Variants in NAE1 observed in about 807,000 individuals in gnomAD.
NAE1 encodes NEDD8-activating enzyme E1 regulatory subunit.
NAE1 carries 59 observed loss-of-function variants against 88.0 expected under a neutral mutation model. The observed-to-expected ratio is 0.67, with a 90% CI of 0.54 to 0.83. The LOEUF is 0.83. Among genes scored for constraint, NAE1 ranks in the 40% least tolerant of loss-of-function variants. NAE1 has a pLI of 0.00. For missense variants in NAE1, 554 were observed against 632.8 expected (o/e 0.88, Z 1.34); for synonymous variants, 186 against 208.9 (o/e 0.89, Z 0.95).
At chr16:66,812,581 G>A (rs544644055) in intron 13 of NAE1, among the ~76,000 whole-genome samples, 6 of 141,772 alleles carry the variant, frequency 4.2e-5, no homozygotes, top group South Asian at 2.2e-4. Context: ...GCAGTGGCAC[G>A]ATCTTGGCTC....
intron 5 of NAE1, 31 bp from the exon 6 acceptor site, chr16:66,823,337 A>C: frequency 6.6e-7 from 1 of 1,512,874 alleles, no homozygotes; most frequent in Non-Finnish European, 9.0e-7. Flanking sequence ...AAAAACAAAC[A>C]AAAAAAACCA....
At chr16:66,807,179 G>A (rs1959598482) in intron 17 of NAE1, among the ~76,000 whole-genome samples, 1 of 152,156 alleles carries the variant, frequency 6.6e-6, no homozygotes, top group Non-Finnish European at 1.5e-5. Flanking sequence ...CCTGAGACCA[G>A]GCAACCCACA....
rs763921695 is a variant in NAE1, at chr16:66,824,854, C to A, written c.249+1G>T. On this transcript the variant is annotated splice_donor_variant, in intron 4 of 19. Transcript: ENST00000290810. LOFTEE classifies it high-confidence loss of function. Reference sequence around the variant, plus strand: ...TCCAACTATATTCTCTAATTGTTTACCTTGCCGATACTGCTTCTTTGAAGG... The same window carrying A: ...TCCAACTATATTCTCTAATTGTTTAACTTGCCGATACTGCTTCTTTGAAGG... The A allele has an allele frequency of 6.2e-7, 1 of 1,608,988 alleles. No individual in the cohort carries two copies. Among genetic ancestry groups the A allele is most frequent in the Non-Finnish European group, 8.5e-7 (1 of 1,176,928 alleles).
At chr16:66,821,000 T>G (rs1262671815) in intron 7 of NAE1, among the ~76,000 whole-genome samples, 8 of 147,604 alleles carry the variant, frequency 5.4e-5, no homozygotes, top group Non-Finnish European at 7.5e-5. Context: ...ACCCGGGAGG[T>G]GGAGGTTGCA....
chr16:66,816,318 C>T (rs946538653), intron 11 of NAE1, among the ~76,000 whole-genome samples: 12 of 152,096 alleles, frequency 7.9e-5, no homozygotes, highest in Non-Finnish European at 1.3e-4. Flanking sequence ...GGTATGTTCA[C>T]CATGCCCAGC....
chr16:66,812,067 A>G (rs113656069), intron 13 of NAE1, among the ~76,000 whole-genome samples: 2,406 of 152,302 alleles, frequency 0.016, 57 homozygotes, highest in South Asian at 0.095. Context: ...GGATAGCAAG[A>G]TGTCTAGCTA....
chr16:66,817,381 G>A, intron 9 of NAE1, 44 bp downstream of exon 9: 1 of 1,436,276 alleles, frequency 7.0e-7, no homozygotes, highest in South Asian at 1.2e-5. Flanking sequence ...GTAAGAAACT[G>A]AAAATACAGT....
chr16:66,820,043 ACT>A (rs1174778163), intron 7 of NAE1, among the ~76,000 whole-genome samples: 2 of 151,714 alleles, frequency 1.3e-5, no homozygotes, highest in South Asian at 2.1e-4. Context: ...CCCACTTTCA[ACT>A]CTTTTGTTCC....
intron 1 of NAE1, 46 bp downstream of exon 1, chr16:66,830,801 T>C (rs1324248649): frequency 4.0e-6 from 6 of 1,501,910 alleles, no homozygotes; most frequent in Non-Finnish European, 4.4e-6. Flanking sequence ...GCCCGAATGC[T>C]GGAAAGCCCG....
intron 13 of NAE1, among the ~76,000 whole-genome samples, chr16:66,812,026 T>C (rs1246032289): frequency 6.6e-6 from 1 of 152,220 alleles, no homozygotes; most frequent in Admixed American, 6.5e-5. Flanking sequence ...ATCCCTGTGA[T>C]AGTCTATCTG....
intron 14 of NAE1, 129 bp from the exon 15 acceptor site, chr16:66,810,542 CTT>C (rs768532088): frequency 1.5e-5 from 17 of 1,113,602 alleles, no homozygotes; most frequent in Non-Finnish European, 2.1e-5. Flanking sequence ...TTAAAAATAT[CTT>C]GTTTCCTTAT....
intron 9 of NAE1, 69 bp downstream of exon 9, chr16:66,817,356 T>A: frequency 7.8e-7 from 1 of 1,276,424 alleles, no homozygotes; most frequent in Non-Finnish European, 1.1e-6. Context: ...CCATTCCCCA[T>A]CAAGGAAATC....
At chr16:66,824,565 C>A (rs543003214) in intron 4 of NAE1, 22 of 205,808 alleles carry the variant, frequency 1.1e-4, no homozygotes, top group Non-Finnish European at 2.0e-4. Flanking sequence ...GCACTCCAGC[C>A]TGGGGGACAG....
intron 9 of NAE1, 169 bp from the exon 10 acceptor site, chr16:66,817,197 AT>A (rs1220150955): frequency 1.1e-5 from 11 of 978,090 alleles, no homozygotes; most frequent in African/African-American, 3.3e-5. Context: ...ATTTATCTAC[AT>A]TCATTCCCCC....
At chr16:66,814,507 C>A (rs932976241) in intron 11 of NAE1, among the ~76,000 whole-genome samples, 1 of 150,872 alleles carries the variant, frequency 6.6e-6, no homozygotes, top group Non-Finnish European at 1.5e-5. Flanking sequence ...GTGGGGGGAT[C>A]ACTTGAGCCC....
In NAE1 at chr16:66,810,388, T is replaced by C; in HGVS notation, c.1136A>G (p.Glu379Gly). ...AGGGGACTTACAGAGTAATTTTAAT[T>C]CTTTCTCTGAAATGGACTCTGGTGC... ...GQAPESISEK[E>G]LKLLCSNSAF... The change falls in exon 15 of 20, where the codon GAA (glutamate) becomes GGA (glycine). Residue 379 changes from glutamate (E) to glycine (G), a missense_variant. By Grantham distance (98) the Glu-to-Gly change is moderately conservative (BLOSUM62 -2). Coordinates refer to ENST00000290810, the MANE Select transcript of NAE1 (RefSeq NM_003905.4). The C allele has an allele frequency of 1.3e-6, 2 of 1,599,840 alleles. No individual in the cohort carries two copies. Among genetic ancestry groups the C allele is most frequent in the Non-Finnish European group, 8.6e-7 (1 of 1,169,078 alleles).
Position 66,823,311 on chromosome 16 carries a change from A to G in NAE1, c.322-5T>C, listed in dbSNP as rs1050839976. 2.5e-6 allele frequency: 4 copies of G among 1,590,296 alleles called. No individual in the cohort carries two copies. In the African/African-American group the frequency reaches 5.4e-5, roughly 22 times the overall value. ...GTCTAGAAGGTTTTCTGGACTCTAA[A>G]CAGGACAGCAAAGAAAAAAACAAAC... On this transcript the variant is annotated splice_polypyrimidine_tract_variant and splice_region_variant and intron_variant, in intron 5 of 19. Transcript: ENST00000290810.
chr16:66,811,949 C>T (rs537347414), intron 13 of NAE1, among the ~76,000 whole-genome samples: 83 of 152,180 alleles, frequency 5.5e-4, no homozygotes, highest in Non-Finnish European at 2.4e-4. Flanking sequence ...CCAAAGAAAC[C>T]GAGCCAGCAG....
chr16:66,813,818 T>G lies in NAE1; in HGVS notation c.869A>C (p.Asn290Thr), dbSNP rs367845618. The G allele has an allele frequency of 1.7e-5, 27 of 1,613,730 alleles. No homozygotes were observed. In the African/African-American group the frequency reaches 3.5e-4, roughly 21 times the overall value. The stretch of plus-strand genomic sequence containing the variant: ...GGTGATATTTATGCAGCGATCATCA[T>G]TAAATATATCTTCAATACTGCTTGG... Reference protein sequence around the residue: ...QIPSSIEDIFNDDRCINITKQ... With the variant: ...QIPSSIEDIFTDDRCINITKQ... Residue 290 changes from asparagine (N) to threonine (T), a missense_variant, in exon 12 of 20, where the codon AAT (asparagine) becomes ACT (threonine). Transcript: ENST00000290810.
Sources: allele counts gnomAD v4.1 joint callset (sites outside exome capture counted in the v4.1 genomes callset), GRCh38; gene constraint gnomAD v4.1.1; transcripts MANE v1.5; gene names NCBI Gene and HGNC (gene_info 2026-07-23, HGNC 2026-07-21).